CYBRD1: variants seen among roughly 807,000 people sequenced by gnomAD.
The protein encoded by CYBRD1 is cytochrome b reductase 1.
CYBRD1 carries 14 observed loss-of-function variants against 21.9 expected under a neutral mutation model. The ratio of observed to expected loss-of-function variants is 0.64; its 90% CI spans 0.42 to 1.00. The LOEUF is 1.00. Among genes scored for constraint, CYBRD1 ranks in the 50% least tolerant of loss-of-function variants. The probability of loss-of-function intolerance (pLI) is 0.00; values close to 1 mark genes in which losing one functional copy is unlikely to be tolerated. For missense variants in CYBRD1, 328 were observed against 352.5 expected, an observed-to-expected ratio of 0.93 and a Z score of 0.56; for synonymous variants, 146 against 136.5, an observed-to-expected ratio of 1.07 and a Z score of -0.48.
chr2:171,541,793 G>C lies in CYBRD1; in HGVS notation c.402G>C (p.Gln134His), dbSNP rs1697636852. The change falls in exon 2 of 4, where the codon CAG (glutamine) becomes CAC (histidine). Residue 134 changes from glutamine to histidine, a missense_variant and splice_region_variant. Physicochemically the swap from Gln to His is conservative, Grantham distance 24. Coordinates refer to ENST00000321348, the MANE Select transcript of CYBRD1 (RefSeq NM_024843.4). Reference protein sequence around the residue: ...GLIAVICYLLQLLSGFSVFLL... With the variant: ...GLIAVICYLLHLLSGFSVFLL... ...TAGCTGTCATATGCTATTTGTTACAGGTCAGTATTTCAGTGTATTTACAAG... is the reference window on the plus strand; with the variant it reads ...TAGCTGTCATATGCTATTTGTTACACGTCAGTATTTCAGTGTATTTACAAG... 1 of 1,611,030 alleles carries C rather than the reference G, an allele frequency of 6.2e-7. No homozygotes were observed. Among genetic ancestry groups the C allele is most frequent in the Admixed American group, 1.7e-5 (1 of 59,940 alleles).
intron 1 of CYBRD1, among the ~76,000 whole-genome samples, chr2:171,523,576 C>T (rs1047795284): frequency 5.3e-5 from 8 of 152,318 alleles, no homozygotes; most frequent in Middle Eastern, 3.4e-3. Context: ...TGCCTGGCAC[C>T]GAGGGATGCC....
chr2:171,545,652 G>T (rs1349038590), intron 2 of CYBRD1, among the ~76,000 whole-genome samples: 4 of 149,864 alleles, frequency 2.7e-5, no homozygotes, highest in Admixed American at 6.7e-5. Flanking sequence ...GCCTCCCAAA[G>T]TGCTGGGATT....
intron 2 of CYBRD1, among the ~76,000 whole-genome samples, chr2:171,549,133 G>A (rs999762194): frequency 1.2e-4 from 19 of 152,130 alleles, no homozygotes; most frequent in African/African-American, 4.6e-4. Flanking sequence ...GCCCAGGCTG[G>A]AGTACTGTGG....
intron 1 of CYBRD1, among the ~76,000 whole-genome samples, chr2:171,531,583 A>G (rs1230867394): frequency 6.6e-6 from 1 of 152,096 alleles, no homozygotes; most frequent in East Asian, 1.9e-4. Flanking sequence ...TGCTGGGATT[A>G]CAGTTGTGAA....
At chr2:171,527,047 A>C (rs1477284319) in intron 1 of CYBRD1, among the ~76,000 whole-genome samples, 2 of 152,202 alleles carry the variant, frequency 1.3e-5, no homozygotes, top group South Asian at 2.1e-4. Context: ...AAGATTACTT[A>C]AATAGACTTG....
chr2:171,544,793 T>C (rs762816345), intron 2 of CYBRD1, among the ~76,000 whole-genome samples: 13 of 152,094 alleles, frequency 8.5e-5, no homozygotes, highest in Non-Finnish European at 1.9e-4. Flanking sequence ...AGTACTGAAG[T>C]ATGTAGAAGT....
At chr2:171,551,818 T>C (rs2105346846) in intron 2 of CYBRD1, among the ~76,000 whole-genome samples, 1 of 152,356 alleles carries the variant, frequency 6.6e-6, no homozygotes, top group East Asian at 1.9e-4. Flanking sequence ...AAAGTGCAAC[T>C]GATCTCAAGT....
Position 171,522,867 on chromosome 2 carries a change from G to A in CYBRD1, c.193+129G>A. ...CGCGGGGCCCGGAGGAGTGCGGTGA[G>A]GAGCGCGCGGGAAGCCAAGTCGGCT... On this transcript the variant is annotated intron_variant, in intron 1 of 3. Transcript: ENST00000321348. The surrounding 1 kb of genome is among the most constrained non-coding windows in gnomAD (Gnocchi z 4.3). The A allele has an allele frequency of 6.9e-7, 1 of 1,440,156 alleles. No homozygotes were observed. The highest frequency in any genetic ancestry group is 2.2e-5 in the Admixed American group (1 of 45,194). The allele number at this position is 1,440,156 out of a possible 1,614,324, so 89.2% of individuals were successfully genotyped here.
Position 171,554,525 on chromosome 2 carries a change from A to C in CYBRD1, c.559A>C (p.Arg187=), listed in dbSNP as rs770702968. ...GLTEKLIFSL[R]DPAYSTFPPE... is the part of the protein sequence containing the mutation. ...TTGGATACATCTCTTATTTCATAGG[A>C]GAGATCCTGCATACAGTACATTCCC... Residue 187 remains arginine (R), a splice_region_variant and synonymous_variant, in exon 4 of 4, where the codon AGA becomes CGA. Coordinates refer to ENST00000321348, the MANE Select transcript of CYBRD1 (RefSeq NM_024843.4). 7 of 1,613,810 alleles carry C rather than the reference A, an allele frequency of 4.3e-6. No individual in the cohort carries two copies. The South Asian group carries it at 5.5e-5, about 13-fold the overall frequency.
chr2:171,537,894 T>G (rs1337120090), intron 1 of CYBRD1, among the ~76,000 whole-genome samples: 1 of 152,186 alleles, frequency 6.6e-6, no homozygotes, highest in East Asian at 1.9e-4. Flanking sequence ...GTGATAAATA[T>G]GCTAATTACC....
At chr2:171,526,409 CCCTT>C (rs1407709086) in intron 1 of CYBRD1, among the ~76,000 whole-genome samples, 2 of 151,828 alleles carry the variant, frequency 1.3e-5, no homozygotes, top group African/African-American at 4.9e-5. Flanking sequence ...GTGTCCCTCT[CCCTT>C]CCTTTCCCCC....
intron 2 of CYBRD1, among the ~76,000 whole-genome samples, chr2:171,543,952 A>G (rs1366212688): frequency 6.6e-6 from 1 of 152,220 alleles, no homozygotes; most frequent in Non-Finnish European, 1.5e-5. Flanking sequence ...CTCTGGGCAT[A>G]TACATAGTAG....
intron 3 of CYBRD1, among the ~76,000 whole-genome samples, chr2:171,553,991 G>A (rs560998936): frequency 1.3e-5 from 2 of 152,258 alleles, no homozygotes; most frequent in East Asian, 3.9e-4. Flanking sequence ...GCCACTCAAC[G>A]GCCCGATAGG....
At chr2:171,548,465 G>C (rs1697749992) in intron 2 of CYBRD1, among the ~76,000 whole-genome samples, 1 of 152,092 alleles carries the variant, frequency 6.6e-6, no homozygotes, top group Admixed American at 6.5e-5. Context: ...TTGGGAGCTT[G>C]TCTGTCTTGT....
At position 171,541,726 on chromosome 2, in the gene CYBRD1, A is replaced by T; in HGVS notation, c.335A>T (p.Asn112Ile). 2 of 1,614,002 alleles carry T rather than the reference A, an allele frequency of 1.2e-6. No individual in the cohort carries two copies. The highest frequency in any genetic ancestry group is 1.6e-4 in the Middle Eastern group (1 of 6,062). ...VAVFENHNVN[N>I]IANMYSLHSW... ...GTGTTTGAGAACCACAATGTTAACA[A>T]TATAGCCAATATGTACAGTCTGCAC... is the stretch of plus-strand genomic sequence containing the variant. The change falls in exon 2 of 4, where the codon AAT becomes ATT. Residue 112 changes from asparagine (N) to isoleucine (I), a missense_variant. Asn to Ile is a moderately radical substitution (Grantham distance 149, BLOSUM62 -3). Coordinates refer to ENST00000321348, the MANE Select transcript of CYBRD1 (RefSeq NM_024843.4).
chr2:171,554,431 T>C, intron 3 of CYBRD1, 93 bp from the exon 4 acceptor site: 2 of 1,273,286 alleles, frequency 1.6e-6, no homozygotes, highest in Non-Finnish European at 1.1e-6. Flanking sequence ...ATTGAAACTG[T>C]ACTAGTGTGC....
chr2:171,522,282 G>C (rs1019399667), upstream of CYBRD1: 3 of 1,547,872 alleles, frequency 1.9e-6, no homozygotes, highest in Non-Finnish European at 2.6e-6. The surrounding 1 kb of genome is among the most constrained non-coding windows in gnomAD (Gnocchi z 4.3). Flanking sequence ...GATGCTGGAC[G>C]AGGGAGAGGG....
In CYBRD1 at chr2:171,532,729, A is replaced by G. The variant is rs186184835; in HGVS notation, c.194-8856A>G. 6.4e-4 allele frequency among the ~76,000 whole-genome samples: 97 copies of G among 152,168 alleles called. 1 individual carries two copies. The East Asian group carries it at 0.017, about 27-fold the overall frequency. ...GGCAGGAGAATATCTTGAGCCCAGG[A>G]AGCAGAGGTTGCAGTGAGCCAAGAT... On this transcript the variant is annotated intron_variant, in intron 1 of 3. Transcript: ENST00000321348.
chr2:171,541,797 A>AGTACTTCAGT lies in CYBRD1; in HGVS notation c.402+7_402+8insCTTCAGTGTA, dbSNP rs1697637302. The AGTACTTCAGT allele has an allele frequency of 1.2e-6, 2 of 1,604,698 alleles. No individual in the cohort carries two copies. The highest frequency in any genetic ancestry group is 1.7e-6 in the Non-Finnish European group (2 of 1,172,098). On this transcript the variant is annotated splice_donor_region_variant and intron_variant, in intron 2 of 3. Coordinates refer to ENST00000321348, the MANE Select transcript of CYBRD1 (RefSeq NM_024843.4). ...TGTCATATGCTATTTGTTACAGGTC[A>AGTACTTCAGT]GTATTTCAGTGTATTTACAAGCAAG...
Sources: gnomAD v4.1 joint callset for allele counts (sites outside exome capture counted in the v4.1 genomes callset) on GRCh38, gnomAD v4.1.1 for gene constraint, Gnocchi (gnomAD v3.1) non-coding constraint, MANE v1.5 for transcripts, NCBI Gene and HGNC (gene_info 2026-07-23, HGNC 2026-07-21) for gene names.